The following PXDNL variants were observed in gnomAD, a reference collection of about 807,000 sequenced individuals.
PXDNL encodes the protein probable oxidoreductase PXDNL.
In PXDNL, 145 loss-of-function variants were observed where a neutral mutation model predicts 150.8. The observed-to-expected ratio is 0.96, with a 90% CI of 0.84 to 1.10. PXDNL has a LOEUF of 1.10. PXDNL is among the 50% of genes least tolerant of loss of function. PXDNL has a pLI of 0.00. For synonymous variants in PXDNL, 757 were observed against 725.7 expected (o/e 1.04, Z -0.69); for missense variants, 2,087 against 1,873.9 (o/e 1.11, Z -2.10).
chr8:51,421,885 C>T (rs936557232), intron 14 of PXDNL, among the ~76,000 whole-genome samples: 5 of 152,148 alleles, frequency 3.3e-5, no homozygotes, highest in African/African-American at 9.7e-5. Context: ...AGAATAAATC[C>T]GTGCTCCTCA....
rs180952704 is a variant in PXDNL at position 51,474,967 on chromosome 8, C to T, written c.694+5G>A. 466 of 1,579,542 alleles carry T rather than the reference C, an allele frequency of 3.0e-4. 1 individual carries two copies. The African/African-American group carries it at 5.4e-3, about 18-fold the overall frequency. On this transcript the variant is annotated splice_donor_5th_base_variant and intron_variant, in intron 7 of 22. Coordinates refer to ENST00000356297, the MANE Select transcript of PXDNL (RefSeq NM_144651.5). ...TATCTTATGTACACATTGAAATTTA[C>T]GTACGGCAATTGAATTCCTCTACTG...
At chr8:51,786,837 T>G (rs1302122912) in intron 1 of PXDNL, among the ~76,000 whole-genome samples, 1 of 152,196 alleles carries the variant, frequency 6.6e-6, no homozygotes, top group Non-Finnish European at 1.5e-5. Flanking sequence ...CTAAGACTTT[T>G]GTAGCAAGAA....
intron 17 of PXDNL, among the ~76,000 whole-genome samples, chr8:51,377,105 TACACAC>T (rs772419401): frequency 0.011 from 1,540 of 140,694 alleles, 19 homozygotes; most frequent in African/African-American, 0.033. Flanking sequence ...CTCTACCCTT[TACACAC>T]ACACACACAC....
chr8:51,453,855 G>A, intron 9 of PXDNL, 70 bp from the exon 10 acceptor site: 1 of 1,509,794 alleles, frequency 6.6e-7, no homozygotes, highest in Non-Finnish European at 8.9e-7. Flanking sequence ...ATTCTGCATT[G>A]TGGTTTTAAG....
chr8:51,545,452 G>T (rs191283833), intron 4 of PXDNL, among the ~76,000 whole-genome samples: 31 of 152,130 alleles, frequency 2.0e-4, no homozygotes, highest in African/African-American at 6.7e-4. Flanking sequence ...AGTAGTCATT[G>T]TCTTAGTTTG....
chr8:51,588,668 T>C (rs929391613), intron 3 of PXDNL, among the ~76,000 whole-genome samples: 4 of 152,220 alleles, frequency 2.6e-5, no homozygotes, highest in African/African-American at 9.6e-5. Context: ...TCCTTCTAAA[T>C]GGATATTTGA....
intron 3 of PXDNL, among the ~76,000 whole-genome samples, chr8:51,590,729 T>C (rs1040374294): frequency 1.3e-5 from 2 of 152,076 alleles, no homozygotes; most frequent in Non-Finnish European, 2.9e-5. Context: ...TATCTTGTTT[T>C]TTTTTATTTC....
At chr8:51,700,683 C>T (rs1447994551) in intron 1 of PXDNL, among the ~76,000 whole-genome samples, 1 of 151,522 alleles carries the variant, frequency 6.6e-6, no homozygotes, top group Non-Finnish European at 1.5e-5. Flanking sequence ...TAAACACACA[C>T]ATGCATACAC....
chr8:51,395,587 T>C (rs1371193524), intron 17 of PXDNL, among the ~76,000 whole-genome samples: 1 of 152,086 alleles, frequency 6.6e-6, no homozygotes, highest in African/African-American at 2.4e-5. Context: ...ATATATTGAA[T>C]TGAAAAATAA....
Position 51,320,928 on chromosome 8 carries a change from G to T in PXDNL, c.4147-31C>A, listed in dbSNP as rs1288830529. 4 of 1,521,782 alleles carry T rather than the reference G, an allele frequency of 2.6e-6. No homozygotes were observed. The Admixed American group carries it at 5.0e-5, about 19-fold the overall frequency. The allele number at this position is 1,521,782 out of a possible 1,614,324, so 94.3% of individuals were successfully genotyped here. On this transcript the variant is annotated intron_variant, in intron 21 of 22. Transcript: ENST00000356297. ...AGGGGAGGCAAAGGAAAGAAGAGTGGAAATTGAAGCGGATAGCAACAAAGC... is the reference window on the plus strand; with the variant it reads ...AGGGGAGGCAAAGGAAAGAAGAGTGTAAATTGAAGCGGATAGCAACAAAGC...
At chr8:51,341,497 C>T (rs2130685516) in intron 20 of PXDNL, among the ~76,000 whole-genome samples, 1 of 152,108 alleles carries the variant, frequency 6.6e-6, no homozygotes, top group South Asian at 2.1e-4. Flanking sequence ...TCTTCTCAAT[C>T]TATTTGAAAC....
At chr8:51,344,272 T>G (rs1326620967) in intron 20 of PXDNL, among the ~76,000 whole-genome samples, 1 of 150,870 alleles carries the variant, frequency 6.6e-6, no homozygotes, top group Non-Finnish European at 1.5e-5. Context: ...GCCCAGCTAA[T>G]TTTTTAAATT....
intron 4 of PXDNL, among the ~76,000 whole-genome samples, chr8:51,544,113 G>T (rs1243766773): frequency 6.6e-6 from 1 of 152,184 alleles, no homozygotes; most frequent in African/African-American, 2.4e-5. Context: ...TGTAAAAGGA[G>T]AAAATAATAC....
chr8:51,435,968 GA>G (rs1251851202), intron 12 of PXDNL: 19 of 509,680 alleles, frequency 3.7e-5, no homozygotes, highest in South Asian at 2.8e-4. Context: ...TTGAAGCTAA[GA>G]AAAAAACAGG....
In PXDNL at chr8:51,423,625, G is replaced by A; in HGVS notation, c.1745C>T (p.Ala582Val). 6.2e-7 allele frequency: 1 copy of A among 1,613,830 alleles called. No homozygotes were observed. The highest frequency in any genetic ancestry group is 8.5e-7 in the Non-Finnish European group (1 of 1,179,828). Residue 582 changes from alanine (A) to valine (V), a missense_variant, in exon 14 of 23, where the codon GCT (alanine) becomes GTT (valine). Transcript: ENST00000356297. ...CACAGCAAGGCCAAAAGAATTCCGA[G>A]CCACACATTCATATCTTCCCTGGTC... The part of the protein sequence containing the change: ...FPDQGRYECV[A>V]RNSFGLAVTN...
intron 2 of PXDNL, among the ~76,000 whole-genome samples, chr8:51,646,221 TA>T (rs1814916782): frequency 6.6e-6 from 1 of 152,142 alleles, no homozygotes; most frequent in Non-Finnish European, 1.5e-5. Context: ...GACAGCAGGA[TA>T]TCTGTGTGCA....
intron 1 of PXDNL, among the ~76,000 whole-genome samples, chr8:51,696,790 C>CACAGGT (rs1563510230): frequency 1.7e-5 from 1 of 58,176 alleles, no homozygotes. Context: ...CACATACCCA[C>CACAGGT]CCACACATAG....
intron 8 of PXDNL, among the ~76,000 whole-genome samples, chr8:51,458,194 T>C (rs1419139198): frequency 2.0e-5 from 3 of 152,222 alleles, no homozygotes; most frequent in African/African-American, 7.2e-5. Context: ...AGTTGTTGAA[T>C]ATTAGGCCCC....
rs535892411 is a variant in PXDNL, at chr8:51,680,986, T to C, written c.165-26226A>G. Among the ~76,000 whole-genome samples, 3 of 20,540 alleles carry C rather than the reference T, an allele frequency of 1.5e-4. No individual in the cohort carries two copies. The East Asian group carries it at 0.1, about 685-fold the overall frequency. 13.5% of individuals were successfully genotyped at this position (20,540 alleles called of 152,430 possible). The stretch of plus-strand genomic sequence containing the variant: ...TTTGCCCAGAAAAGTCAGTGGGACA[T>C]GTTGTGGTTTTCGTCCAGACACATG... On this transcript the variant is annotated intron_variant, in intron 1 of 22. Coordinates refer to ENST00000356297, the MANE Select transcript of PXDNL (RefSeq NM_144651.5).
Sources: gnomAD v4.1 joint callset for allele counts (sites outside exome capture counted in the v4.1 genomes callset) on GRCh38, gnomAD v4.1.1 for gene constraint, MANE v1.5 for transcripts, NCBI Gene and HGNC (gene_info 2026-07-23, HGNC 2026-07-21) for gene names.